The following KMT2E variants were observed in gnomAD, a reference collection of about 807,000 sequenced individuals.
KMT2E encodes the protein lysine methyltransferase 2E (inactive).
In KMT2E, 30 loss-of-function variants were observed where a neutral mutation model predicts 184.6. That is an observed-to-expected ratio of 0.16 (90% CI 0.12 to 0.22). KMT2E has a LOEUF of 0.22. KMT2E is among the 10% of genes least tolerant of loss of function. KMT2E has a pLI of 1.00. For synonymous variants in KMT2E, 815 were observed against 776.5 expected (o/e 1.05, Z -0.82); for missense variants, 2,023 against 2,237.4 (o/e 0.90, Z 1.93).
At chr7:105,033,182 A>G (rs1042712629) in intron 1 of KMT2E, among the ~76,000 whole-genome samples, 1 of 152,232 alleles carries the variant, frequency 6.6e-6, no homozygotes, top group African/African-American at 2.4e-5. Flanking sequence ...AAAGCACAGG[A>G]GATTAAAACT....
intron 3 of KMT2E, among the ~76,000 whole-genome samples, chr7:105,060,006 TTTTTTG>T (rs1796746150): frequency 9.6e-6 from 1 of 104,672 alleles, no homozygotes; most frequent in Non-Finnish European, 1.7e-5. Flanking sequence ...TTTTTTTTTT[TTTTTTG>T]GAGACAGAGT....
At chr7:105,109,373 C>A in intron 23 of KMT2E, 145 bp downstream of exon 23, 1 of 809,278 alleles carries the variant, frequency 1.2e-6, no homozygotes, top group Non-Finnish European at 1.9e-6. Flanking sequence ...GGATTTTAAG[C>A]CAGCTGTGTA....
intron 15 of KMT2E, among the ~76,000 whole-genome samples, chr7:105,099,807 A>G (rs767372586): frequency 1.3e-5 from 2 of 152,222 alleles, no homozygotes; most frequent in Non-Finnish European, 1.5e-5. Context: ...AACCATAGTA[A>G]TTAATCCCTC....
At chr7:105,100,865 C>G (rs1043903251) in intron 15 of KMT2E, among the ~76,000 whole-genome samples, 1 of 152,104 alleles carries the variant, frequency 6.6e-6, no homozygotes, top group Non-Finnish European at 1.5e-5. Context: ...AGAGAACAAG[C>G]TTTGGAAAGG....
At chr7:105,021,764 A>C (rs1218687811) in intron 1 of KMT2E, among the ~76,000 whole-genome samples, 1 of 152,172 alleles carries the variant, frequency 6.6e-6, no homozygotes, top group Non-Finnish European at 1.5e-5. Flanking sequence ...GGAATGTTCA[A>C]AGGTACTTGG....
chr7:105,111,322 G>T, intron 26 of KMT2E: 1 of 167,962 alleles, frequency 6.0e-6, no homozygotes, highest in East Asian at 1.7e-4. Flanking sequence ...ATCTTTTTTT[G>T]ATGATTGACA....
chr7:105,089,203 T>G, intron 13 of KMT2E: 1 of 404,766 alleles, frequency 2.5e-6, no homozygotes. Flanking sequence ...CCTAAACTTT[T>G]TTTGTTTTTT....
At chr7:105,105,781 G>C (rs1433432503) in intron 18 of KMT2E, 78 bp from the exon 19 acceptor site, 1 of 1,559,734 alleles carries the variant, frequency 6.4e-7, no homozygotes, top group Non-Finnish European at 8.6e-7. Context: ...AATGCTTTTG[G>C]AATCGGCTCT....
At chr7:105,067,695 G>T (rs898502570) in intron 6 of KMT2E, among the ~76,000 whole-genome samples, 2 of 152,184 alleles carry the variant, frequency 1.3e-5, no homozygotes, top group African/African-American at 4.8e-5. Flanking sequence ...AACCGTCTGG[G>T]CAAGGTGGCT....
chr7:105,058,578 T>G (rs563749550), intron 3 of KMT2E, among the ~76,000 whole-genome samples: 1 of 152,202 alleles, frequency 6.6e-6, no homozygotes, highest in Non-Finnish European at 1.5e-5. Context: ...TACTTACATT[T>G]TAGTTTTAGA....
Position 105,077,510 on chromosome 7 carries a change from G to T in KMT2E, c.1130+77G>T. On this transcript the variant is annotated intron_variant, in intron 11 of 26. Coordinates refer to ENST00000311117, the MANE Select transcript of KMT2E (RefSeq NM_182931.3). ...TTTGGCTGTTTTACCTAGATGTTGT[G>T]ATTATATGTACTTTTTTTCCTACAT... 1.8e-6 allele frequency: 2 copies of T among 1,119,030 alleles called. 1 individual carries two copies. 69.3% of individuals were successfully genotyped at this position (1,119,030 alleles called of 1,614,324 possible).
chr7:105,053,915 T>A (rs550223545), intron 3 of KMT2E, among the ~76,000 whole-genome samples: 2 of 152,242 alleles, frequency 1.3e-5, no homozygotes, highest in African/African-American at 4.8e-5. Flanking sequence ...GGCACATGCC[T>A]GTAATCTCAG....
Position 105,077,440 on chromosome 7 carries a change from T to G in KMT2E, c.1130+7T>G. 1 of 1,592,362 alleles carries G rather than the reference T, an allele frequency of 6.3e-7. No homozygotes were observed. The highest frequency in any genetic ancestry group is 8.6e-7 in the Non-Finnish European group (1 of 1,168,624). ...ATGGGTATTTCTTTAAAAGGTATAT[T>G]CATTTATTTTCCCATGTTCATTTTC... On this transcript the variant is annotated splice_region_variant and intron_variant, in intron 11 of 26. Coordinates refer to ENST00000311117, the MANE Select transcript of KMT2E (RefSeq NM_182931.3).
intron 13 of KMT2E, among the ~76,000 whole-genome samples, chr7:105,086,058 G>A (rs986626864): frequency 6.6e-6 from 1 of 152,066 alleles, no homozygotes; most frequent in Non-Finnish European, 1.5e-5. Flanking sequence ...AAACTTTTAT[G>A]TAAATTGTGA....
intron 3 of KMT2E, among the ~76,000 whole-genome samples, chr7:105,058,191 T>C (rs1235792996): frequency 4.6e-5 from 7 of 152,212 alleles, no homozygotes; most frequent in Admixed American, 4.6e-4. Context: ...GATTTAGAGA[T>C]ATAATTAGCT....
intron 3 of KMT2E, among the ~76,000 whole-genome samples, chr7:105,045,033 A>G (rs754933814): frequency 1.8e-4 from 27 of 152,288 alleles, no homozygotes; most frequent in Middle Eastern, 3.4e-3. Context: ...CCCTTTGTCA[A>G]TTTTATCTGT....
chr7:105,021,746 T>G (rs576269591), intron 1 of KMT2E, among the ~76,000 whole-genome samples: 2 of 152,202 alleles, frequency 1.3e-5, no homozygotes, highest in East Asian at 3.9e-4. Context: ...AACAATTACC[T>G]TTTTCCAGGA....
intron 3 of KMT2E, among the ~76,000 whole-genome samples, chr7:105,041,842 A>C (rs1795895689): frequency 6.6e-6 from 1 of 152,166 alleles, no homozygotes; most frequent in African/African-American, 2.4e-5. Context: ...TTGACACTTA[A>C]TCGACTATGA....
chr7:105,086,908 T>TTATATATAGCATATATATGATATATTA (rs10630207), intron 13 of KMT2E, among the ~76,000 whole-genome samples: 1 of 145,154 alleles, frequency 6.9e-6, no homozygotes, highest in African/African-American at 2.5e-5. Context: ...ATATTATATA[T>TTATATATAGCATATATATGATATATTA]TATATAGCAT....
Sources: gnomAD v4.1 joint callset for allele counts (sites outside exome capture counted in the v4.1 genomes callset) on GRCh38, gnomAD v4.1.1 for gene constraint, MANE v1.5 for transcripts, NCBI Gene and HGNC (gene_info 2026-07-23, HGNC 2026-07-21) for gene names.